The following CAB39L variants were observed in gnomAD, a reference collection of about 807,000 sequenced individuals.
CAB39L encodes calcium binding protein 39 like.
A neutral mutation model predicts 39.1 loss-of-function variants in CAB39L; 23 were observed. That is an observed-to-expected ratio of 0.59 (90% CI 0.42 to 0.83). The LOEUF is 0.83. Ranked by LOEUF, CAB39L falls within the 40% of genes least tolerant of loss-of-function variation. The pLI is 0.00. For missense variants in CAB39L, 366 were observed against 391.9 expected (o/e 0.93, Z 0.56); for synonymous variants, 126 against 137.2 (o/e 0.92, Z 0.57).
chr13:49,336,160 T>A (rs1378654183), intron 9 of CAB39L, among the ~76,000 whole-genome samples: 1 of 151,152 alleles, frequency 6.6e-6, no homozygotes, highest in African/African-American at 2.4e-5. Context: ...CAATATTTAA[T>A]GAGCTCTATG....
intron 3 of CAB39L, among the ~76,000 whole-genome samples, chr13:49,426,514 C>T (rs539202193): frequency 6.6e-5 from 10 of 152,278 alleles, no homozygotes; most frequent in Admixed American, 4.6e-4. Context: ...GCAAGCTCCG[C>T]CTCCCGGGTT....
At chr13:49,417,050 T>A (rs983889520) in intron 3 of CAB39L, among the ~76,000 whole-genome samples, 2 of 152,248 alleles carry the variant, frequency 1.3e-5, no homozygotes, top group Non-Finnish European at 2.9e-5. Context: ...ATCTCACAGT[T>A]TATGTTGGCA....
chr13:49,382,850 G>C lies in CAB39L; in HGVS notation c.61C>G (p.Leu21Val), dbSNP rs543858416. 1 of 1,610,248 alleles carries C rather than the reference G, an allele frequency of 6.2e-7. No individual in the cohort carries two copies. The highest frequency in any genetic ancestry group is 1.1e-5 in the South Asian group (1 of 90,492). The change falls in exon 4 of 11, where the codon CTG becomes GTG. Residue 21 changes from leucine (L) to valine (V), a missense_variant. Transcript: ENST00000409308. ...HKNPAEIVKI[L>V]KDNLAILEKQ... is the part of the protein sequence containing the mutation. ...TCCAAAATGGCCAAATTGTCTTTCAGGATTTTCACAATTTCTGCTGGATTT... is the reference window on the plus strand; with the variant it reads ...TCCAAAATGGCCAAATTGTCTTTCACGATTTTCACAATTTCTGCTGGATTT...
intron 6 of CAB39L, among the ~76,000 whole-genome samples, chr13:49,359,418 T>C (rs76349401): frequency 6.7e-4 from 102 of 152,116 alleles, no homozygotes; most frequent in African/African-American, 1.8e-3. Context: ...CAGCTAGGAA[T>C]AGGGCAGATA....
intron 1 of CAB39L, among the ~76,000 whole-genome samples, chr13:49,434,631 A>G (rs1329586260): frequency 6.6e-6 from 1 of 152,118 alleles, no homozygotes; most frequent in African/African-American, 2.4e-5. Context: ...AGGCCGAGGC[A>G]GGAGGATTAG....
intron 9 of CAB39L, among the ~76,000 whole-genome samples, chr13:49,335,070 T>TAGGG (rs1212698391): frequency 1.3e-5 from 2 of 152,178 alleles, no homozygotes; most frequent in African/African-American, 4.8e-5. Flanking sequence ...ATTTCAAAGG[T>TAGGG]AGGGCTTCCA....
chr13:49,428,508 G>A (rs759490176), intron 3 of CAB39L, among the ~76,000 whole-genome samples: 13 of 152,146 alleles, frequency 8.5e-5, no homozygotes, highest in South Asian at 2.1e-4. Context: ...TCCACAGGGC[G>A]CAAATACCAG....
At chr13:49,410,278 G>C (rs1280899722) in intron 3 of CAB39L, among the ~76,000 whole-genome samples, 1 of 152,136 alleles carries the variant, frequency 6.6e-6, no homozygotes, top group Non-Finnish European at 1.5e-5. Context: ...CAACTGGTAC[G>C]CTTATGAAAA....
At chr13:49,424,157 G>C (rs1181612063) in intron 3 of CAB39L, among the ~76,000 whole-genome samples, 1 of 152,150 alleles carries the variant, frequency 6.6e-6, no homozygotes, top group East Asian at 1.9e-4. Flanking sequence ...TCTTTCCAGA[G>C]AGCAGCATGA....
At chr13:49,443,676 G>A (rs1226379517) in intron 1 of CAB39L, among the ~76,000 whole-genome samples, 3 of 152,010 alleles carry the variant, frequency 2.0e-5, no homozygotes, top group Non-Finnish European at 4.4e-5. Context: ...CAATGTTAAG[G>A]CATCAAAGGC....
In CAB39L at chr13:49,332,161, C is replaced by T. The variant is rs997810492; in HGVS notation, c.691-71G>A. ...ATTCAAAATATAGCTCACGTCTTCT[C>T]ACTGAAAAACAAAATATAAATGTGA... is the stretch of plus-strand genomic sequence containing the variant. On this transcript the variant is annotated intron_variant, in intron 9 of 10. Transcript: ENST00000409308. 2.0e-6 allele frequency: 3 copies of T among 1,525,500 alleles called. No individual in the cohort carries two copies. In the African/African-American group the frequency reaches 4.2e-5, roughly 21 times the overall value. The allele number at this position is 1,525,500 out of a possible 1,614,324, so 94.5% of individuals were successfully genotyped here. A position where few individuals can be genotyped will look rare whatever the true frequency, so the allele number is the denominator to read the frequency against.
At chr13:49,326,974 C>T (rs568180747) in intron 10 of CAB39L, among the ~76,000 whole-genome samples, 6 of 152,200 alleles carry the variant, frequency 3.9e-5, no homozygotes, top group Middle Eastern at 3.4e-3. Flanking sequence ...CTTGAGAGGG[C>T]CTATCATTTT....
intron 5 of CAB39L, among the ~76,000 whole-genome samples, chr13:49,373,855 T>C (rs893710684): frequency 2.6e-5 from 4 of 152,234 alleles, no homozygotes; most frequent in African/African-American, 9.6e-5. Context: ...AGAAGGAATT[T>C]TATCAAGCTG....
At chr13:49,361,990 A>T (rs1015722700) in intron 5 of CAB39L, among the ~76,000 whole-genome samples, 2 of 152,156 alleles carry the variant, frequency 1.3e-5, no homozygotes, top group South Asian at 2.1e-4. Context: ...TTATTTTTTT[A>T]AATTTCATAT....
intron 3 of CAB39L, among the ~76,000 whole-genome samples, chr13:49,417,554 T>G (rs1304480489): frequency 6.6e-6 from 1 of 151,984 alleles, no homozygotes; most frequent in Admixed American, 6.6e-5. Context: ...TTAACGATAT[T>G]AAAAATATTA....
chr13:49,339,591 G>A, intron 9 of CAB39L, 86 bp downstream of exon 9: 1 of 1,288,770 alleles, frequency 7.8e-7, no homozygotes. Flanking sequence ...TAATTTTTCT[G>A]TGTTTACTCA....
At chr13:49,439,364 G>A (rs930672991) in intron 1 of CAB39L, among the ~76,000 whole-genome samples, 3 of 152,152 alleles carry the variant, frequency 2.0e-5, no homozygotes, top group Admixed American at 2.0e-4. Flanking sequence ...ACTGTGTAAC[G>A]CTGAAGTCTG....
chr13:49,422,208 T>C (rs146495284), intron 3 of CAB39L, among the ~76,000 whole-genome samples: 1 of 152,300 alleles, frequency 6.6e-6, no homozygotes, highest in African/African-American at 2.4e-5. Context: ...TTATAAATTA[T>C]AAACTTTGTG....
chr13:49,315,045 G>C (rs1954116110), intron 10 of CAB39L, among the ~76,000 whole-genome samples: 1 of 152,174 alleles, frequency 6.6e-6, no homozygotes, highest in South Asian at 2.1e-4. Flanking sequence ...TACCAGGTGA[G>C]GTTCAGAACT....
Sources: allele counts gnomAD v4.1 joint callset (sites outside exome capture counted in the v4.1 genomes callset), GRCh38; gene constraint gnomAD v4.1.1; transcripts MANE v1.5; gene names NCBI Gene and HGNC (gene_info 2026-07-23, HGNC 2026-07-21).